Variants in SLC1A2 observed in about 807,000 individuals in gnomAD.
SLC1A2 encodes excitatory amino acid transporter 2.
In SLC1A2, 15 loss-of-function variants were observed where a neutral mutation model predicts 48.8. The observed-to-expected ratio is 0.31, with a 90% confidence interval of 0.21 to 0.47. SLC1A2 has a LOEUF of 0.47. Among genes scored for constraint, SLC1A2 ranks in the 20% least tolerant of loss-of-function variants. The pLI is 0.99. For missense variants in SLC1A2, 502 were observed against 730.5 expected, an observed-to-expected ratio of 0.69 and a Z score of 3.61; for synonymous variants, 279 against 272.6, an observed-to-expected ratio of 1.02 and a Z score of -0.23.
At chr11:35,347,230 C>G (rs548505929) in intron 1 of SLC1A2, among the ~76,000 whole-genome samples, 2 of 152,206 alleles carry the variant, frequency 1.3e-5, no homozygotes, top group Admixed American at 1.3e-4. Flanking sequence ...GCCATGAGAG[C>G]GAGAAGAAGT....
intron 6 of SLC1A2, among the ~76,000 whole-genome samples, chr11:35,295,575 G>A (rs545714228): frequency 6.6e-6 from 1 of 152,316 alleles, no homozygotes; most frequent in African/African-American, 2.4e-5. Context: ...GAGTTCTGAA[G>A]CCAAATAATG....
At chr11:35,265,454 T>TG in intron 10 of SLC1A2, 73 bp downstream of exon 10, 1 of 445,448 alleles carries the variant, frequency 2.2e-6, no homozygotes, top group Non-Finnish European at 3.6e-6. Flanking sequence ...GGCTTTACGG[T>TG]TTTTTTTTTT....
chr11:35,420,344 T>TA (rs1278344734), upstream of SLC1A2, among the ~76,000 whole-genome samples: 2 of 151,768 alleles, frequency 1.3e-5, no homozygotes, highest in South Asian at 2.1e-4. Flanking sequence ...CGCCTTTGCA[T>TA]AAAAATGACG....
intron 1 of SLC1A2, 103 bp from the exon 2 acceptor site, chr11:35,317,619 G>T: frequency 7.4e-7 from 1 of 1,359,442 alleles, no homozygotes; most frequent in Non-Finnish European, 1.0e-6. Flanking sequence ...TTGGAATCTG[G>T]AACCATCTGC....
At chr11:35,279,064 T>A (rs1045838487) in intron 9 of SLC1A2, among the ~76,000 whole-genome samples, 9 of 152,180 alleles carry the variant, frequency 5.9e-5, no homozygotes, top group African/African-American at 2.2e-4. Flanking sequence ...TCAATGCCAA[T>A]AAATGTCAGA....
intron 1 of SLC1A2, among the ~76,000 whole-genome samples, chr11:35,382,278 G>A (rs546631702): frequency 6.6e-6 from 1 of 152,226 alleles, no homozygotes; most frequent in African/African-American, 2.4e-5. Flanking sequence ...TCAACCTGTC[G>A]ATATTTTCAC....
intron 7 of SLC1A2, 29 bp from the exon 8 acceptor site, chr11:35,286,980 G>A: frequency 6.3e-7 from 1 of 1,576,402 alleles, no homozygotes; most frequent in South Asian, 1.1e-5. Flanking sequence ...AGAGAGACAG[G>A]GTTATGTCCA....
chr11:35,397,421 A>G (rs1854998594), intron 1 of SLC1A2, among the ~76,000 whole-genome samples: 1 of 146,706 alleles, frequency 6.8e-6, no homozygotes, highest in African/African-American at 2.5e-5. Context: ...AAAAACAAGC[A>G]ATGGGGAAAG....
intron 6 of SLC1A2, among the ~76,000 whole-genome samples, chr11:35,292,989 C>CAGAG (rs144246892): frequency 4.9e-4 from 74 of 150,164 alleles, no homozygotes; most frequent in South Asian, 2.9e-3. Flanking sequence ...GAGAGAGAGA[C>CAGAG]AGAGAGAGAG....
intron 1 of SLC1A2, among the ~76,000 whole-genome samples, chr11:35,408,527 T>C (rs983023653): frequency 1.9e-4 from 29 of 152,220 alleles, no homozygotes; most frequent in South Asian, 2.1e-4. Flanking sequence ...AGAAATGCCT[T>C]TCACCTCTCG....
At chr11:35,374,883 T>C (rs1039523275) in intron 1 of SLC1A2, among the ~76,000 whole-genome samples, 1 of 152,222 alleles carries the variant, frequency 6.6e-6, no homozygotes, top group African/African-American at 2.4e-5. Flanking sequence ...CACATACACA[T>C]ACCTATATAA....
At chr11:35,322,205 T>A (rs1262385698) in intron 1 of SLC1A2, among the ~76,000 whole-genome samples, 1 of 152,142 alleles carries the variant, frequency 6.6e-6, no homozygotes, top group Non-Finnish European at 1.5e-5. Context: ...CTCATGCAAA[T>A]CCACGTGAGT....
chr11:35,282,827 G>A (rs959237697), intron 8 of SLC1A2, among the ~76,000 whole-genome samples: 3 of 152,192 alleles, frequency 2.0e-5, no homozygotes, highest in Admixed American at 6.5e-5. Context: ...CTTCCTGGAA[G>A]TTGCTTTCCC....
rs967621360 is a variant in SLC1A2 at position 35,265,687 on chromosome 11, T to G, written c.1493A>C (p.Lys498Thr). ...FGAGIVYHLS[K>T]SELDTIDSQH... ...GGAGTCAATGGTATCCAGCTCAGAC[T>G]TGGAGAGGTGATAGACTATCCCAGC... The change falls in exon 10 of 11, where the codon AAG (lysine) becomes ACG (threonine). Residue 498 changes from lysine to threonine, a missense_variant. Around this residue, in one of 4 missense-constraint regions of SLC1A2, gnomAD observed 102 missense variants for 107.2 expected, o/e 0.95. Coordinates refer to ENST00000278379, the MANE Select transcript of SLC1A2 (RefSeq NM_004171.4). The G allele has an allele frequency of 6.2e-7, 1 of 1,613,960 alleles. No individual in the cohort carries two copies. The highest frequency in any genetic ancestry group is 1.3e-5 in the African/African-American group (1 of 74,922).
chr11:35,378,647 C>T (rs1854319045), intron 1 of SLC1A2, among the ~76,000 whole-genome samples: 1 of 152,232 alleles, frequency 6.6e-6, no homozygotes, highest in Non-Finnish European at 1.5e-5. Context: ...CTGCCTGTAA[C>T]TGAAGCTCTC....
chr11:35,316,427 A>G (rs1851879182), intron 2 of SLC1A2: 1 of 152,182 alleles, frequency 6.6e-6, no homozygotes, highest in Admixed American at 6.5e-5. Flanking sequence ...AAGTCCTGTG[A>G]TGAATTAGAT....
chr11:35,347,857 G>A (rs1422633940), intron 1 of SLC1A2, among the ~76,000 whole-genome samples: 2 of 152,186 alleles, frequency 1.3e-5, no homozygotes, highest in Non-Finnish European at 2.9e-5. Context: ...ACAGGTGTGA[G>A]CCACCACACT....
chr11:35,375,837 C>A (rs1002690662), intron 1 of SLC1A2, among the ~76,000 whole-genome samples: 8 of 152,220 alleles, frequency 5.3e-5, no homozygotes, highest in African/African-American at 1.7e-4. Flanking sequence ...CTTCATACTT[C>A]TACTTGATCT....
At chr11:35,395,713 A>G (rs967615825) in intron 1 of SLC1A2, among the ~76,000 whole-genome samples, 2 of 147,936 alleles carry the variant, frequency 1.4e-5, no homozygotes, top group African/African-American at 5.0e-5. Context: ...TTTAGGGTAC[A>G]TGTGCACATT....
Sources: allele counts gnomAD v4.1 joint callset (sites outside exome capture counted in the v4.1 genomes callset), GRCh38; gene constraint gnomAD v4.1.1; regional missense constraint gnomAD v4.1.1; transcripts MANE v1.5; gene names NCBI Gene and HGNC (gene_info 2026-07-23, HGNC 2026-07-21).